HIVEP1: variants seen among roughly 807,000 people sequenced by gnomAD.
HIVEP1 encodes HIVEP zinc finger 1, also known as zinc finger protein 40.
In HIVEP1, 36 loss-of-function variants were observed where a neutral mutation model predicts 180.0. The observed-to-expected ratio is 0.20, with a 90% CI of 0.15 to 0.26. HIVEP1 has a LOEUF of 0.26. HIVEP1 is among the 10% of genes least tolerant of loss of function. The pLI is 1.00. For synonymous variants in HIVEP1, 1,239 were observed against 1,239.0 expected, an observed-to-expected ratio of 1.00 and a Z score of 0.00; for missense variants, 3,143 against 3,268.7, an observed-to-expected ratio of 0.96 and a Z score of 0.94.
At chr6:12,158,673 G>A (rs1318894057) in intron 7 of HIVEP1, among the ~76,000 whole-genome samples, 2 of 152,102 alleles carry the variant, frequency 1.3e-5, no homozygotes, top group Non-Finnish European at 2.9e-5. Context: ...AGTGTTGTGG[G>A]AGTTTCTGTG....
chr6:12,170,671 C>T, the HIVEP1 span, among the ~76,000 whole-genome samples: 13 of 152,140 alleles, frequency 8.5e-5, no homozygotes, highest in East Asian at 3.9e-4. Context: ...CTGACGAAGC[C>T]GCAATAATAT....
chr6:12,069,407 G>A (rs1771814841), intron 2 of HIVEP1, among the ~76,000 whole-genome samples: 1 of 152,052 alleles, frequency 6.6e-6, no homozygotes, highest in South Asian at 2.1e-4. Flanking sequence ...GGAGGCCTAG[G>A]ACATTACTGC....
At chr6:12,135,710 A>G (rs1758666280) in intron 6 of HIVEP1, 81 bp from the exon 7 acceptor site, 2 of 840,912 alleles carry the variant, frequency 2.4e-6, no homozygotes, top group South Asian at 3.0e-5. Flanking sequence ...TTGCTTGAAT[A>G]GGAATGAAAT....
the HIVEP1 span, among the ~76,000 whole-genome samples, chr6:12,211,366 C>G: frequency 6.0e-5 from 6 of 99,566 alleles, no homozygotes; most frequent in South Asian, 6.5e-4. Flanking sequence ...CGCCACTGCA[C>G]TCCAGCCTGG....
the HIVEP1 span, among the ~76,000 whole-genome samples, chr6:12,175,921 GAGA>G: frequency 6.6e-6 from 1 of 152,164 alleles, no homozygotes; most frequent in Admixed American, 6.5e-5. Context: ...ATTGGTCACA[GAGA>G]GGAGTGATCT....
intron 2 of HIVEP1, among the ~76,000 whole-genome samples, chr6:12,019,869 G>A (rs1022853028): frequency 6.6e-6 from 1 of 152,214 alleles, no homozygotes; most frequent in South Asian, 2.1e-4. Context: ...GGAAAAATAC[G>A]TATACTTGTC....
chr6:12,141,699 A>G (rs1354432945), intron 7 of HIVEP1, among the ~76,000 whole-genome samples: 1 of 116,498 alleles, frequency 8.6e-6, no homozygotes, highest in Non-Finnish European at 1.6e-5. Flanking sequence ...AGCAAAAAAA[A>G]AAAAAAAAAA....
upstream of HIVEP1, among the ~76,000 whole-genome samples, chr6:12,009,467 C>T (rs1767171267): frequency 6.6e-6 from 1 of 152,308 alleles, no homozygotes; most frequent in East Asian, 1.9e-4. Flanking sequence ...TCCAGGAGCC[C>T]CCTCTTTTTT....
At chr6:12,190,172 C>T in the HIVEP1 span, among the ~76,000 whole-genome samples, 1 of 152,106 alleles carries the variant, frequency 6.6e-6, no homozygotes, top group Non-Finnish European at 1.5e-5. Context: ...GTAGTAGGAA[C>T]GGGAAGAAAT....
intron 3 of HIVEP1, among the ~76,000 whole-genome samples, chr6:12,100,893 A>G (rs555938729): frequency 9.2e-5 from 14 of 152,300 alleles, no homozygotes; most frequent in Admixed American, 4.6e-4. Context: ...GTATAATGCA[A>G]ATATTCCAAA....
chr6:12,055,090 A>G (rs1027460996), intron 2 of HIVEP1, among the ~76,000 whole-genome samples: 4 of 152,266 alleles, frequency 2.6e-5, no homozygotes, highest in Admixed American at 1.3e-4. Flanking sequence ...ACATTATTAT[A>G]GAATTATACT....
chr6:12,190,117 A>G, the HIVEP1 span, among the ~76,000 whole-genome samples: 3 of 152,208 alleles, frequency 2.0e-5, no homozygotes, highest in African/African-American at 7.2e-5. Context: ...CTTTATGCAG[A>G]TTTATGCTGC....
At chr6:12,160,775 C>T (rs1386098696) in intron 7 of HIVEP1, among the ~76,000 whole-genome samples, 2 of 152,146 alleles carry the variant, frequency 1.3e-5, no homozygotes, top group African/African-American at 4.8e-5. Context: ...GTGTCCAGTG[C>T]CACATTACTA....
intron 2 of HIVEP1, among the ~76,000 whole-genome samples, chr6:12,056,616 A>G (rs757820523): frequency 2.7e-4 from 41 of 152,238 alleles, no homozygotes; most frequent in Non-Finnish European, 5.4e-4. Flanking sequence ...TTTCTTTACA[A>G]TTTTTATGCA....
intron 2 of HIVEP1, among the ~76,000 whole-genome samples, chr6:12,074,738 C>T (rs915971856): frequency 6.1e-5 from 9 of 146,720 alleles, no homozygotes; most frequent in African/African-American, 1.0e-4. Flanking sequence ...AAGTTTTATT[C>T]TTTTTAAAAA....
At chr6:12,187,766 T>G in the HIVEP1 span, among the ~76,000 whole-genome samples, 5 of 151,894 alleles carry the variant, frequency 3.3e-5, no homozygotes, top group Non-Finnish European at 7.4e-5. Context: ...CTAATTTTTT[T>G]GTAGAGATGA....
the HIVEP1 span, among the ~76,000 whole-genome samples, chr6:12,181,416 G>A: frequency 1.3e-5 from 2 of 151,358 alleles, no homozygotes; most frequent in East Asian, 1.9e-4. Flanking sequence ...TAGAAACAGG[G>A]TCTCACTCTA....
At chr6:12,196,503 G>T in the HIVEP1 span, among the ~76,000 whole-genome samples, 2 of 152,170 alleles carry the variant, frequency 1.3e-5, no homozygotes, top group Non-Finnish European at 2.9e-5. Context: ...CACTGATCCT[G>T]TTGCCTCTAT....
chr6:12,011,448 CGACCCCGCCAGGCCTTCCCGG>C (rs1767294591), upstream of HIVEP1, among the ~76,000 whole-genome samples: 1 of 151,396 alleles, frequency 6.6e-6, no homozygotes. Flanking sequence ...CCCAACTGAG[CGACCCCGCCAGGCCTTCCCGG>C]GGCCGCGTGA....
Sources: gnomAD v4.1 joint callset for allele counts (sites outside exome capture counted in the v4.1 genomes callset) on GRCh38, gnomAD v4.1.1 for gene constraint, MANE v1.5 for transcripts, NCBI Gene and HGNC (gene_info 2026-07-23, HGNC 2026-07-21) for gene names.